EPHB1: variants seen among roughly 807,000 people sequenced by gnomAD.
EPHB1 encodes the protein EPH receptor B1, also known as ephrin type-B receptor 1.
EPHB1 carries 30 observed loss-of-function variants against 94.4 expected under a neutral mutation model. That is an observed-to-expected ratio of 0.32 (90% CI 0.24 to 0.43). The LOEUF is 0.43. EPHB1 is among the 20% of genes least tolerant of loss of function. EPHB1 has a pLI of 1.00. For missense variants in EPHB1, 1,055 were observed against 1,308.3 expected, an observed-to-expected ratio of 0.81 and a Z score of 2.99; for synonymous variants, 522 against 489.1, an observed-to-expected ratio of 1.07 and a Z score of -0.89.
In EPHB1 at chr3:135,248,374, C is replaced by T; in HGVS notation, c.2555C>T (p.Ala852Val). Residue 852 changes from alanine (A) to valine (V), a missense_variant, in exon 14 of 16, where the codon GCT (alanine) becomes GTT (valine). By Grantham distance (64) the Ala-to-Val change is moderately conservative. Transcript: ENST00000398015. ...CCCCCACCCATGGACTGTCCAGCTG[C>T]TCTACACCAGCTCATGCTGGACTGT... ...RLPPPMDCPA[A>V]LHQLMLDCWQ... 1 of 1,612,780 alleles carries T rather than the reference C, an allele frequency of 6.2e-7. No homozygotes were observed. Among genetic ancestry groups the T allele is most frequent in the Non-Finnish European group, 8.5e-7 (1 of 1,179,272 alleles).
At chr3:135,128,547 C>T (rs1281233606) in intron 4 of EPHB1, among the ~76,000 whole-genome samples, 1 of 152,226 alleles carries the variant, frequency 6.6e-6, no homozygotes, top group Non-Finnish European at 1.5e-5. Flanking sequence ...GGCTTGCCAG[C>T]CCTGGAGCGG....
rs185968160 is a variant in EPHB1, at chr3:135,177,566, C to T, written c.1760-2294C>T. Among the ~76,000 whole-genome samples the T allele has an allele frequency of 8.6e-4, 131 of 152,350 alleles. 2 individuals carry two copies. In the East Asian group the frequency reaches 0.022, roughly 25 times the overall value. ...ACCTAGACATTGCTTAGATGTGAAT[C>T]TCAGGGGAATTAGGCCTGCTCAATG... On this transcript the variant is annotated intron_variant, in intron 9 of 15. Coordinates refer to ENST00000398015, the MANE Select transcript of EPHB1 (RefSeq NM_004441.5).
At chr3:134,948,744 G>C (rs574850204) in intron 2 of EPHB1, among the ~76,000 whole-genome samples, 1 of 152,374 alleles carries the variant, frequency 6.6e-6, no homozygotes, top group Admixed American at 6.5e-5. Context: ...GACTGTGGAT[G>C]CGCCACTCCA....
At chr3:135,161,877 G>A in intron 6 of EPHB1, 141 bp from the exon 7 acceptor site, 1 of 864,948 alleles carries the variant, frequency 1.2e-6, no homozygotes. Context: ...CCCATCCAGA[G>A]GGATGGCCTG....
chr3:135,181,096 C>T (rs972999377), intron 10 of EPHB1, among the ~76,000 whole-genome samples: 7 of 152,208 alleles, frequency 4.6e-5, no homozygotes, highest in African/African-American at 1.7e-4. Context: ...TCACTGCTCT[C>T]TTAATGCACT....
intron 15 of EPHB1, among the ~76,000 whole-genome samples, chr3:135,253,343 T>G (rs1332764240): frequency 1.3e-5 from 2 of 150,444 alleles, no homozygotes; most frequent in East Asian, 3.9e-4. Flanking sequence ...TTTATGGTTT[T>G]AGGTCTAACA....
intron 1 of EPHB1, among the ~76,000 whole-genome samples, chr3:134,818,844 G>A (rs1216626684): frequency 6.6e-6 from 1 of 152,200 alleles, no homozygotes; most frequent in Non-Finnish European, 1.5e-5. Context: ...ACATGCACGT[G>A]CAAGTGTTTC....
At chr3:135,142,728 G>T (rs999094407) in intron 5 of EPHB1, among the ~76,000 whole-genome samples, 1 of 152,158 alleles carries the variant, frequency 6.6e-6, no homozygotes, top group African/African-American at 2.4e-5. Context: ...TGGAAGAGTT[G>T]TAGAGGCCAG....
At position 135,212,534 on chromosome 3, in the gene EPHB1, G is replaced by A. The variant is rs561785923; in HGVS notation, c.2346+10845G>A. Among the ~76,000 whole-genome samples the A allele has an allele frequency of 2.2e-4, 33 of 152,258 alleles. No homozygotes were observed. In the South Asian group the frequency reaches 4.8e-3, roughly 22 times the overall value. ...AACAGCTCTTTATGGTTTTCAATCC[G>A]TCTTATACATGCGTGTTTCGGGGGT... On this transcript the variant is annotated intron_variant, in intron 12 of 15. Coordinates refer to ENST00000398015, the MANE Select transcript of EPHB1 (RefSeq NM_004441.5).
intron 3 of EPHB1, among the ~76,000 whole-genome samples, chr3:134,969,132 C>A (rs1933873920): frequency 6.6e-6 from 1 of 152,206 alleles, no homozygotes; most frequent in African/African-American, 2.4e-5. Flanking sequence ...CCATCAGCAT[C>A]AGTGTGAGTT....
intron 6 of EPHB1, 188 bp downstream of exon 6, chr3:135,154,464 T>G (rs1941291767): frequency 1.4e-6 from 1 of 692,020 alleles, no homozygotes; most frequent in Non-Finnish European, 2.3e-6. Context: ...GCCCAGGCAC[T>G]TTCTGTGCCA....
chr3:135,233,201 C>T (rs1478097710), intron 12 of EPHB1, among the ~76,000 whole-genome samples: 2 of 152,198 alleles, frequency 1.3e-5, no homozygotes, highest in African/African-American at 4.8e-5. Context: ...AGGTCTCTTC[C>T]ACCTATGAGC....
rs200412388 is a variant in EPHB1, at chr3:135,162,190, G to A, written c.1585+10G>A. 3.3e-4 allele frequency: 532 copies of A among 1,590,818 alleles called. No homozygotes were observed. The highest frequency in any genetic ancestry group is 1.1e-3 in the African/African-American group (84 of 74,434). On this transcript the variant is annotated intron_variant, in intron 7 of 15. Transcript: ENST00000398015. ...CAGACTCTGACTGACGGTAAGGGTC[G>A]GGGAGGGCAGTGGCATAATCACAGG...
intron 3 of EPHB1, among the ~76,000 whole-genome samples, chr3:134,994,149 G>A (rs1934910706): frequency 6.6e-6 from 1 of 152,196 alleles, no homozygotes; most frequent in African/African-American, 2.4e-5. Context: ...TCTTTGTGGG[G>A]TGGAGTGGGA....
chr3:135,040,576 A>T (rs1373787775), intron 3 of EPHB1, among the ~76,000 whole-genome samples: 25 of 152,246 alleles, frequency 1.6e-4, no homozygotes, highest in Admixed American at 1.6e-3. Flanking sequence ...CTGTGTCCAC[A>T]TGCGTGTTTG....
At chr3:135,104,067 G>A (rs1329569706) in intron 3 of EPHB1, among the ~76,000 whole-genome samples, 1 of 152,176 alleles carries the variant, frequency 6.6e-6, no homozygotes, top group African/African-American at 2.4e-5. Flanking sequence ...TTACAGCATG[G>A]CAGGGGCCAA....
intron 3 of EPHB1, among the ~76,000 whole-genome samples, chr3:134,963,131 C>T (rs1933589330): frequency 7.6e-6 from 1 of 131,010 alleles, no homozygotes; most frequent in Admixed American, 7.8e-5. Context: ...TATACCTTCT[C>T]TTGCTCCTTC....
At chr3:135,245,536 A>AAAAAC (rs1943898972) in intron 13 of EPHB1, among the ~76,000 whole-genome samples, 1 of 127,114 alleles carries the variant, frequency 7.9e-6, no homozygotes, top group Admixed American at 8.0e-5. Flanking sequence ...AAAAAAAAAA[A>AAAAAC]TCGGCCCGTG....
intron 12 of EPHB1, among the ~76,000 whole-genome samples, chr3:135,225,058 G>A (rs989182184): frequency 1.3e-5 from 2 of 152,102 alleles, no homozygotes; most frequent in African/African-American, 4.8e-5. Context: ...GTTGAGGGGG[G>A]AAGCAGACAA....
Sources: gnomAD v4.1 joint callset for allele counts (sites outside exome capture counted in the v4.1 genomes callset) on GRCh38, gnomAD v4.1.1 for gene constraint, MANE v1.5 for transcripts, NCBI Gene and HGNC (gene_info 2026-07-23, HGNC 2026-07-21) for gene names.